CHN1: variants seen among roughly 807,000 people sequenced by gnomAD.
CHN1 encodes chimerin 1.
CHN1 carries 37 observed loss-of-function variants against 59.5 expected under a neutral mutation model. The ratio of observed to expected loss-of-function variants is 0.62; its 90% CI spans 0.48 to 0.82. The LOEUF (loss-of-function observed/expected upper bound fraction) is 0.82. Among genes scored for constraint, CHN1 ranks in the 40% least tolerant of loss-of-function variants. The pLI is 0.00. For synonymous variants in CHN1, 206 were observed against 200.4 expected (o/e 1.03, Z -0.24); for missense variants, 469 against 571.0 (o/e 0.82, Z 1.82).
chr2:174,814,812 C>T (rs1685191706), intron 8 of CHN1, among the ~76,000 whole-genome samples: 1 of 152,118 alleles, frequency 6.6e-6, no homozygotes, highest in African/African-American at 2.4e-5. Flanking sequence ...GAGGCCAGGT[C>T]CCGAAAAGGA....
At chr2:174,929,542 C>A (rs1192382740) in intron 3 of CHN1, among the ~76,000 whole-genome samples, 1 of 151,674 alleles carries the variant, frequency 6.6e-6, no homozygotes, top group Non-Finnish European at 1.5e-5. Context: ...CATGCCACTG[C>A]ACTCCAGCCT....
chr2:174,980,567 G>A (rs990494765), intron 1 of CHN1, among the ~76,000 whole-genome samples: 9 of 152,062 alleles, frequency 5.9e-5, no homozygotes, highest in African/African-American at 1.9e-4. Flanking sequence ...CCTAATTGAA[G>A]AATTAAGCTT....
intron 3 of CHN1, chr2:174,921,001 C>A (rs1689000778): frequency 2.4e-6 from 1 of 420,908 alleles, no homozygotes; most frequent in Non-Finnish European, 4.9e-6. Flanking sequence ...ATGTGCAGTT[C>A]ACAATAGGGT....
At chr2:174,932,291 T>G (rs560529519) in intron 3 of CHN1, among the ~76,000 whole-genome samples, 144 of 152,352 alleles carry the variant, frequency 9.5e-4, no homozygotes, top group Non-Finnish European at 1.5e-3. Context: ...CCTACATCCA[T>G]ATCCCCTCCA....
intron 5 of CHN1, among the ~76,000 whole-genome samples, chr2:174,893,617 A>G (rs550443728): frequency 2.0e-4 from 30 of 152,278 alleles, no homozygotes; most frequent in South Asian, 1.0e-3. Context: ...TTTTTGCAGA[A>G]GTAGAAAAAA....
chr2:174,909,431 G>C (rs140471254), intron 5 of CHN1, among the ~76,000 whole-genome samples: 1 of 152,212 alleles, frequency 6.6e-6, no homozygotes, highest in East Asian at 1.9e-4. Flanking sequence ...GCATTTCCCC[G>C]AGATGTTACT....
intron 1 of CHN1, among the ~76,000 whole-genome samples, chr2:174,966,310 G>T (rs1050474071): frequency 6.6e-6 from 1 of 151,420 alleles, no homozygotes; most frequent in Non-Finnish European, 1.5e-5. Flanking sequence ...AGAGAATAGT[G>T]ACCCAGAACC....
intron 7 of CHN1, among the ~76,000 whole-genome samples, chr2:174,826,512 T>G (rs954599329): frequency 1.3e-5 from 2 of 152,222 alleles, no homozygotes; most frequent in Non-Finnish European, 2.9e-5. Context: ...GTAAGGTGAC[T>G]AAAGATGCAA....
chr2:174,870,046 C>CTGG (rs1446393562), intron 6 of CHN1, among the ~76,000 whole-genome samples: 1 of 152,088 alleles, frequency 6.6e-6, no homozygotes, highest in African/African-American at 2.4e-5. Flanking sequence ...AATGTTTACA[C>CTGG]TGGATAAGAT....
At chr2:174,872,506 TA>T (rs1362367691) in intron 6 of CHN1, among the ~76,000 whole-genome samples, 1 of 152,144 alleles carries the variant, frequency 6.6e-6, no homozygotes, top group East Asian at 1.9e-4. Flanking sequence ...AAAGGAGAGT[TA>T]AAATACTGTT....
At chr2:174,864,140 T>C (rs1460095432) in intron 6 of CHN1, among the ~76,000 whole-genome samples, 1 of 152,188 alleles carries the variant, frequency 6.6e-6, no homozygotes, top group African/African-American at 2.4e-5. Context: ...TGTTTTCTTT[T>C]TCTTTTTTTT....
chr2:174,843,331 C>T (rs1262059820), intron 7 of CHN1, among the ~76,000 whole-genome samples: 2 of 152,092 alleles, frequency 1.3e-5, no homozygotes, highest in Non-Finnish European at 2.9e-5. Flanking sequence ...CCTCTGCCTC[C>T]TGGGTTCAAG....
intron 1 of CHN1, among the ~76,000 whole-genome samples, chr2:174,978,010 G>C (rs933415312): frequency 6.6e-6 from 1 of 152,064 alleles, no homozygotes; most frequent in Non-Finnish European, 1.5e-5. Flanking sequence ...TAAAAGTAAT[G>C]AAATGTCAAA....
intron 6 of CHN1, among the ~76,000 whole-genome samples, chr2:174,852,410 A>G (rs1180340375): frequency 6.6e-6 from 1 of 152,242 alleles, no homozygotes; most frequent in Admixed American, 6.5e-5. Context: ...ACTACAAAAC[A>G]TTGCTGAAAG....
intron 5 of CHN1, among the ~76,000 whole-genome samples, chr2:174,892,944 C>T (rs1558970227): frequency 1.3e-5 from 2 of 152,182 alleles, no homozygotes; most frequent in Non-Finnish European, 1.5e-5. Context: ...CACCACTCAA[C>T]AAACTGGGAA....
chr2:174,829,865 T>C (rs1198709774), intron 7 of CHN1, among the ~76,000 whole-genome samples: 1 of 152,182 alleles, frequency 6.6e-6, no homozygotes, highest in African/African-American at 2.4e-5. Context: ...AGGAAAGTTT[T>C]TTCTTCCCTC....
rs533962893 is a variant in CHN1 at position 174,835,805 on chromosome 2, C to T, written c.627+11075G>A. On this transcript the variant is annotated intron_variant, in intron 7 of 12. Transcript: ENST00000409900. ...TCTACTGTTAATTTTGGTCACAGTA[C>T]TAAGATGATACCCTCTTGAAGAGTC... Among the ~76,000 whole-genome samples the T allele has an allele frequency of 3.9e-4, 59 of 152,118 alleles. 1 individual carries two copies. The highest frequency in any genetic ancestry group is 7.3e-4 in the Non-Finnish European group (50 of 68,028).
chr2:174,945,671 T>C (rs1243954530), intron 2 of CHN1, among the ~76,000 whole-genome samples: 6 of 151,570 alleles, frequency 4.0e-5, no homozygotes, highest in Non-Finnish European at 7.4e-5. Context: ...CTCTTAGAGA[T>C]TTTTTTTTCT....
chr2:174,889,907 G>A (rs563736753), intron 5 of CHN1, among the ~76,000 whole-genome samples: 18 of 151,828 alleles, frequency 1.2e-4, no homozygotes, highest in African/African-American at 3.4e-4. Flanking sequence ...GTGTGCACGC[G>A]TGTGTGTATG....
Sources: allele counts gnomAD v4.1 joint callset (sites outside exome capture counted in the v4.1 genomes callset), GRCh38; gene constraint gnomAD v4.1.1; transcripts MANE v1.5; gene names NCBI Gene and HGNC (gene_info 2026-07-23, HGNC 2026-07-21).